CSE1L: variants seen among roughly 807,000 people sequenced by gnomAD.
CSE1L encodes chromosome segregation 1 like.
CSE1L carries 24 observed loss-of-function variants against 120.4 expected under a neutral mutation model. That is an observed-to-expected ratio of 0.20 (90% CI 0.14 to 0.28). CSE1L has a LOEUF of 0.28. Among genes scored for constraint, CSE1L ranks in the 10% least tolerant of loss-of-function variants. The pLI is 1.00. For synonymous variants in CSE1L, 402 were observed against 398.3 expected, an observed-to-expected ratio of 1.01 and a Z score of -0.11; for missense variants, 830 against 1,145.2, an observed-to-expected ratio of 0.72 and a Z score of 3.97.
chr20:49,074,232 T>TC (rs2091953900), intron 10 of CSE1L, among the ~76,000 whole-genome samples: 1 of 147,954 alleles, frequency 6.8e-6, no homozygotes, highest in African/African-American at 2.5e-5. Context: ...CTTTTTTTTT[T>TC]TTTTAATTTA....
chr20:49,052,574 T>C (rs534226398), intron 1 of CSE1L, among the ~76,000 whole-genome samples: 1 of 152,290 alleles, frequency 6.6e-6, no homozygotes, highest in South Asian at 2.1e-4. Flanking sequence ...ATGAGGTCAG[T>C]AGATACCAGA....
At chr20:49,066,549 A>G in intron 5 of CSE1L, 39 bp downstream of exon 5, 5 of 1,553,678 alleles carry the variant, frequency 3.2e-6, no homozygotes, top group Admixed American at 1.9e-5. Flanking sequence ...AATACTTTCT[A>G]AAGTTTTATT....
chr20:49,089,886 A>C, intron 19 of CSE1L, 140 bp downstream of exon 19: 1 of 733,430 alleles, frequency 1.4e-6, no homozygotes, highest in Non-Finnish European at 2.2e-6. Flanking sequence ...GGGAGCCTCT[A>C]GTGGGAGGAT....
At chr20:49,074,410 G>T (rs574475451) in intron 10 of CSE1L, among the ~76,000 whole-genome samples, 1 of 152,018 alleles carries the variant, frequency 6.6e-6, no homozygotes, top group Non-Finnish European at 1.5e-5. Flanking sequence ...TTGTTGAAAT[G>T]ACTTTAATGA....
chr20:49,089,023 G>T (rs967059577), intron 17 of CSE1L, among the ~76,000 whole-genome samples: 1 of 152,098 alleles, frequency 6.6e-6, no homozygotes, highest in African/African-American at 2.4e-5. Flanking sequence ...ACAGCTCTGG[G>T]ATCTGAGGTT....
chr20:49,060,418 GT>G (rs1432364455), intron 2 of CSE1L, among the ~76,000 whole-genome samples: 1 of 151,066 alleles, frequency 6.6e-6, no homozygotes, highest in African/African-American at 2.4e-5. Flanking sequence ...GGAAGCGGAG[GT>G]TGCAGTTAAC....
chr20:49,094,189 G>A lies in CSE1L; in HGVS notation c.2497G>A (p.Val833Ile). The stretch of plus-strand genomic sequence containing the variant: ...AATTATTATTCCTGAAATTCAGAAG[G>A]TATCTGGAAATGTAGAGAAAAAGAT... ...EKIIIPEIQK[V>I]SGNVEKKICA... Residue 833 changes from valine to isoleucine, a missense_variant, in exon 23 of 25, where the codon GTA becomes ATA. Physicochemically the swap from Val to Ile is conservative, Grantham distance 29. Transcript: ENST00000262982. 6.3e-7 allele frequency: 1 copy of A among 1,598,548 alleles called. No homozygotes were observed. Among genetic ancestry groups the A allele is most frequent in the Non-Finnish European group, 8.6e-7 (1 of 1,168,380 alleles).
At position 49,089,954 on chromosome 20, in the gene CSE1L, A is replaced by C. The variant is rs151207800; in HGVS notation, c.2181+208A>C. On this transcript the variant is annotated intron_variant, in intron 19 of 24. Coordinates refer to ENST00000262982, the MANE Select transcript of CSE1L (RefSeq NM_001316.4). Reference sequence around the variant, plus strand: ...GCAACGTGGTGAGATCTATCTCTACAAAGGAAAAAAAAGCTTTTTAATTAG... The same window carrying C: ...GCAACGTGGTGAGATCTATCTCTACCAAGGAAAAAAAAGCTTTTTAATTAG... Among the ~76,000 whole-genome samples, 304 of 152,088 alleles carry C rather than the reference A, an allele frequency of 2.0e-3. 1 individual carries two copies. Among genetic ancestry groups the C allele is most frequent in the African/African-American group, 7.0e-3 (289 of 41,482 alleles).
At chr20:49,088,131 G>T in intron 17 of CSE1L, 25 bp downstream of exon 17, 1 of 1,516,762 alleles carries the variant, frequency 6.6e-7, no homozygotes, top group South Asian at 1.1e-5. Context: ...TTTGAAAGTG[G>T]GGTTCCTTTT....
rs777761644 is a variant in CSE1L at position 49,072,553 on chromosome 20, T to C, written c.937-15T>C. 2 of 1,605,036 alleles carry C rather than the reference T, an allele frequency of 1.2e-6. No homozygotes were observed. The highest frequency in any genetic ancestry group is 2.2e-5 in the South Asian group (2 of 89,874). ...TTGCTTTTAAAAATATTCTTGTTTT[T>C]GTGTTTTGTTCCAGTTGGTAAGTAA... On this transcript the variant is annotated splice_polypyrimidine_tract_variant and intron_variant, in intron 9 of 24. Transcript: ENST00000262982.
chr20:49,056,094 T>G (rs998576413), intron 1 of CSE1L, among the ~76,000 whole-genome samples: 1 of 152,020 alleles, frequency 6.6e-6, no homozygotes, highest in South Asian at 2.1e-4. Context: ...TAAGCATAAG[T>G]GGAGTTTTCT....
rs780807563 is a variant in CSE1L, at chr20:49,094,160, A to C, written c.2468A>C (p.Glu823Ala). 6.3e-7 allele frequency: 1 copy of C among 1,577,092 alleles called. No individual in the cohort carries two copies. The highest frequency in any genetic ancestry group is 2.2e-5 in the East Asian group (1 of 44,602). The change falls in exon 23 of 25, where the codon GAA becomes GCA. Residue 823 changes from glutamate (E) to alanine (A), a missense_variant. Glu to Ala is a moderately radical substitution (Grantham distance 107). Around this residue, in one of 4 missense-constraint regions of CSE1L, gnomAD observed 112 missense variants for 200.0 expected, o/e 0.56. Transcript: ENST00000262982. The stretch of plus-strand genomic sequence containing the variant: ...AATAGAATGTTTGGAATGGTTTTGG[A>C]AAAAATTATTATTCCTGAAATTCAG... ...IQPKMFGMVL[E>A]KIIIPEIQKV...
At chr20:49,087,896 T>A (rs2092072405) in intron 16 of CSE1L, 113 bp from the exon 17 acceptor site, 1 of 648,704 alleles carries the variant, frequency 1.5e-6, no homozygotes, top group South Asian at 2.0e-5. Flanking sequence ...CGGGGTTGTC[T>A]AAGCATCTTA....
At chr20:49,049,565 T>C (rs888183567) in intron 1 of CSE1L, among the ~76,000 whole-genome samples, 70 of 152,202 alleles carry the variant, frequency 4.6e-4, no homozygotes, top group African/African-American at 1.6e-3. Flanking sequence ...TTTCAGAGTG[T>C]CAAAGTACCT....
At position 49,072,666 on chromosome 20, in the gene CSE1L, A is replaced by G. The variant is rs777585419; in HGVS notation, c.1035A>G (p.Glu345=). 1.2e-6 allele frequency: 2 copies of G among 1,613,560 alleles called. No individual in the cohort carries two copies. The highest frequency in any genetic ancestry group is 1.7e-5 in the Admixed American group (1 of 59,886). ...EDQNTLTSIC[E]KVIVPNMEFR... is the part of the protein sequence containing the mutation. ...AGAACACGCTGACAAGTATCTGTGA[A>G]AAGGTTATTGTGCCTAACATGGAAT... The change falls in exon 10 of 25, where the codon GAA becomes GAG. Residue 345 remains glutamate (E), a synonymous_variant. Transcript: ENST00000262982.
intron 12 of CSE1L, among the ~76,000 whole-genome samples, chr20:49,075,950 G>A (rs1294673064): frequency 6.6e-6 from 1 of 152,210 alleles, no homozygotes; most frequent in South Asian, 2.1e-4. Flanking sequence ...TCCTGCCTCA[G>A]CGTCCCAAGT....
rs1204304857 is a variant in CSE1L at position 49,047,535 on chromosome 20, G to GTTTTCT, written c.-12+1128_-12+1133dup. Among the ~76,000 whole-genome samples, 363 of 76,998 alleles carry GTTTTCT rather than the reference G, an allele frequency of 4.7e-3. 5 individuals carry two copies. Among genetic ancestry groups the GTTTTCT allele is most frequent in the African/African-American group, 0.017 (315 of 18,690 alleles). The allele number at this position is 76,998 out of a possible 152,430, so 50.5% of individuals were successfully genotyped here. ...CCTCCCCTAACCAACCTCTTCTTTT[G>GTTTTCT]TTTTCTTTTTCTTTTTCTTTTCTCT... is the stretch of plus-strand genomic sequence containing the variant. On this transcript the variant is annotated intron_variant, in intron 1 of 24. Coordinates refer to ENST00000262982, the MANE Select transcript of CSE1L (RefSeq NM_001316.4).
In CSE1L at chr20:49,096,701, A is replaced by T; in HGVS notation, c.*263A>T. ...CAGTGTATGGCGTTGGTTTGTGTTG[A>T]GCGTTTGCACGGTTTGGATAATCTT... On this transcript the variant is annotated 3_prime_UTR_variant, in exon 25 of 25. Transcript: ENST00000262982. The T allele has an allele frequency of 2.1e-6, 1 of 467,346 alleles. No homozygotes were observed. Among genetic ancestry groups the T allele is most frequent in the South Asian group, 3.1e-5 (1 of 32,756 alleles). 28.9% of individuals were successfully genotyped at this position (467,346 alleles called of 1,614,324 possible). A position where few individuals can be genotyped will look rare whatever the true frequency, so the allele number is the denominator to read the frequency against.
intron 1 of CSE1L, 54 bp downstream of exon 1, chr20:49,046,477 G>A (rs2123622035): frequency 6.6e-6 from 1 of 152,488 alleles, no homozygotes; most frequent in African/African-American, 2.4e-5. Flanking sequence ...GCCCAGCTGA[G>A]GAAGGGATGA....
Sources: allele counts gnomAD v4.1 joint callset (sites outside exome capture counted in the v4.1 genomes callset), GRCh38; gene constraint gnomAD v4.1.1; regional missense constraint gnomAD v4.1.1; transcripts MANE v1.5; gene names NCBI Gene and HGNC (gene_info 2026-07-23, HGNC 2026-07-21).